Variants in FSTL5 observed in about 807,000 individuals in gnomAD.
The protein encoded by FSTL5 is follistatin-related protein 5.
Under a neutral mutation model 89.1 loss-of-function variants are expected in FSTL5, and 62 were observed. The ratio of observed to expected loss-of-function variants is 0.70; its 90% CI spans 0.57 to 0.86. FSTL5 has a LOEUF of 0.86. Among genes scored for constraint, FSTL5 ranks in the 40% least tolerant of loss-of-function variants. The probability of loss-of-function intolerance (pLI) is 0.00; values close to 1 mark genes in which losing one functional copy is unlikely to be tolerated. For synonymous variants in FSTL5, 383 were observed against 346.2 expected (o/e 1.11, Z -1.18); for missense variants, 1,057 against 1,001.6 (o/e 1.06, Z -0.75).
intron 4 of FSTL5, among the ~76,000 whole-genome samples, chr4:161,892,002 AT>A (rs199758624): frequency 5.3e-5 from 8 of 149,824 alleles, no homozygotes; most frequent in East Asian, 2.0e-4. Context: ...TTTTGCTTCA[AT>A]TTTTTTTTTA....
At chr4:162,163,169 A>G (rs1374986483) in intron 1 of FSTL5, among the ~76,000 whole-genome samples, 1 of 152,152 alleles carries the variant, frequency 6.6e-6, no homozygotes, top group Admixed American at 6.6e-5. Flanking sequence ...AATAATATTG[A>G]TGATTAACCA....
chr4:161,457,617 A>G (rs374627431), intron 14 of FSTL5, among the ~76,000 whole-genome samples: 1 of 152,158 alleles, frequency 6.6e-6, no homozygotes, highest in Non-Finnish European at 1.5e-5. Flanking sequence ...AAATTGTATA[A>G]TAAAAATATA....
chr4:161,527,257 GT>G (rs1397697608), intron 10 of FSTL5, among the ~76,000 whole-genome samples: 1 of 152,118 alleles, frequency 6.6e-6, no homozygotes, highest in Non-Finnish European at 1.5e-5. Context: ...TGTTATTGGT[GT>G]ATAAGAATGC....
In FSTL5 at chr4:161,474,219, C is replaced by G. The variant is rs1303716181; in HGVS notation, c.1608+6801G>C. Among the ~76,000 whole-genome samples the G allele has an allele frequency of 2.0e-5, 3 of 152,040 alleles. No homozygotes were observed. In the East Asian group the frequency reaches 5.8e-4, roughly 29 times the overall value. On this transcript the variant is annotated intron_variant, in intron 13 of 15. Transcript: ENST00000306100. ...TTCAATAACATAGAAAACTCTGCTCCTTTAATAGCTCCATTCTGATCTCTT... is the reference window on the plus strand; with the variant it reads ...TTCAATAACATAGAAAACTCTGCTCGTTTAATAGCTCCATTCTGATCTCTT...
chr4:161,565,742 G>GAC (rs145835055), intron 8 of FSTL5, among the ~76,000 whole-genome samples: 26,277 of 133,404 alleles, frequency 0.2, 2,715 homozygotes, highest in Middle Eastern at 0.25. Flanking sequence ...TATAACTTGA[G>GAC]ACACACACAC....
At chr4:161,865,803 A>C (rs117838137) in intron 4 of FSTL5, among the ~76,000 whole-genome samples, 5,973 of 152,166 alleles carry the variant, frequency 0.039, 179 homozygotes, top group East Asian at 0.14. Context: ...AAAAACTTTA[A>C]TTTTCTTTGC....
intron 11 of FSTL5, among the ~76,000 whole-genome samples, chr4:161,501,796 T>A (rs2126486551): frequency 6.6e-6 from 1 of 152,090 alleles, no homozygotes; most frequent in South Asian, 2.1e-4. Context: ...TTTAAAGGAA[T>A]ATAAATATTA....
intron 6 of FSTL5, among the ~76,000 whole-genome samples, chr4:161,733,798 CTT>C (rs1002003231): frequency 1.6e-4 from 24 of 151,772 alleles, no homozygotes; most frequent in African/African-American, 5.8e-4. Context: ...ATAATCAAAA[CTT>C]ATTAAAATAT....
chr4:161,897,949 C>T (rs1045551750), intron 4 of FSTL5, among the ~76,000 whole-genome samples: 2 of 151,708 alleles, frequency 1.3e-5, no homozygotes, highest in African/African-American at 4.8e-5. Context: ...TTTGCCTTTT[C>T]TAAAATGTCA....
At chr4:161,541,903 A>C (rs1313152412) in intron 9 of FSTL5, among the ~76,000 whole-genome samples, 1 of 151,912 alleles carries the variant, frequency 6.6e-6, no homozygotes, top group Non-Finnish European at 1.5e-5. Flanking sequence ...AAATTATTTG[A>C]CCTTACAAAT....
At chr4:161,636,800 T>C (rs1735733712) in intron 7 of FSTL5, among the ~76,000 whole-genome samples, 1 of 140,942 alleles carries the variant, frequency 7.1e-6, no homozygotes, top group Non-Finnish European at 1.5e-5. Flanking sequence ...ACTCATCATT[T>C]TTTATGGCTG....
chr4:161,654,856 T>G (rs904334546), intron 7 of FSTL5, among the ~76,000 whole-genome samples: 3 of 152,118 alleles, frequency 2.0e-5, no homozygotes, highest in East Asian at 1.9e-4. Flanking sequence ...CAATTTTTAC[T>G]TTTCATCTTG....
intron 15 of FSTL5, among the ~76,000 whole-genome samples, chr4:161,449,958 T>A (rs978313313): frequency 1.3e-5 from 2 of 152,220 alleles, no homozygotes; most frequent in Admixed American, 1.3e-4. Flanking sequence ...CTTGCATTTG[T>A]GGTAGATTAC....
chr4:162,064,789 G>A (rs1042785442), intron 2 of FSTL5, among the ~76,000 whole-genome samples: 5 of 151,922 alleles, frequency 3.3e-5, no homozygotes, highest in East Asian at 1.9e-4. Context: ...CTGAAATTAC[G>A]TACTCTTTGA....
chr4:162,153,055 G>C (rs1733293133), intron 1 of FSTL5, among the ~76,000 whole-genome samples: 1 of 151,994 alleles, frequency 6.6e-6, no homozygotes, highest in Non-Finnish European at 1.5e-5. Context: ...TCATTCAAGA[G>C]GATTTTAAGG....
chr4:161,396,640 C>A (rs573064517), intron 15 of FSTL5, among the ~76,000 whole-genome samples: 2 of 141,554 alleles, frequency 1.4e-5, no homozygotes, highest in Non-Finnish European at 1.5e-5. Context: ...GGTGACAGAG[C>A]AACACTCTGT....
chr4:161,980,970 G>T (rs1272595877), intron 3 of FSTL5, among the ~76,000 whole-genome samples: 7 of 151,742 alleles, frequency 4.6e-5, no homozygotes, highest in Non-Finnish European at 1.0e-4. Flanking sequence ...ATATTGGCCA[G>T]GCTGGTCTCA....
At chr4:161,867,943 G>T (rs963327992) in intron 4 of FSTL5, among the ~76,000 whole-genome samples, 2 of 151,932 alleles carry the variant, frequency 1.3e-5, no homozygotes, top group African/African-American at 4.8e-5. Flanking sequence ...GAGACATTCA[G>T]TTATGTCTGT....
chr4:162,049,989 T>C (rs1326745793), intron 2 of FSTL5, among the ~76,000 whole-genome samples: 1 of 151,852 alleles, frequency 6.6e-6, no homozygotes, highest in Non-Finnish European at 1.5e-5. Flanking sequence ...GAAGATTAAA[T>C]TAAGGCAAAT....
Sources: gnomAD v4.1 joint callset for allele counts (sites outside exome capture counted in the v4.1 genomes callset) on GRCh38, gnomAD v4.1.1 for gene constraint, MANE v1.5 for transcripts, NCBI Gene and HGNC (gene_info 2026-07-23, HGNC 2026-07-21) for gene names.